Variants in CREBBP observed in about 807,000 individuals in gnomAD.
The protein encoded by CREBBP is CREB-binding protein.
In CREBBP, 19 loss-of-function variants were observed where a neutral mutation model predicts 265.0. The ratio of observed to expected loss-of-function variants is 0.07; its 90% CI spans 0.05 to 0.11. The LOEUF (loss-of-function observed/expected upper bound fraction) is 0.11. Ranked by LOEUF, CREBBP falls within the 10% of genes least tolerant of loss-of-function variation. The probability of loss-of-function intolerance (pLI) is 1.00; values close to 1 mark genes in which losing one functional copy is unlikely to be tolerated. For missense variants in CREBBP, 2,525 were observed against 3,219.0 expected (o/e 0.78, Z 5.22); for synonymous variants, 1,457 against 1,223.7 (o/e 1.19, Z -3.98).
At chr16:3,813,258 T>A (rs972339048) in intron 2 of CREBBP, among the ~76,000 whole-genome samples, 2 of 152,218 alleles carry the variant, frequency 1.3e-5, no homozygotes, top group Non-Finnish European at 2.9e-5. Flanking sequence ...GCAATCACAT[T>A]CTTGTCACCA....
At chr16:3,812,686 C>A (rs1226095896) in intron 2 of CREBBP, among the ~76,000 whole-genome samples, 4 of 152,078 alleles carry the variant, frequency 2.6e-5, no homozygotes, top group African/African-American at 9.7e-5. Flanking sequence ...TCAGGAATTG[C>A]CATGGCAATA....
rs780492308 is a variant in CREBBP, at chr16:3,872,260, AC to A, written c.85+7571del. 3.5e-3 allele frequency among the ~76,000 whole-genome samples: 540 copies of A among 152,266 alleles called. 12 individuals are homozygous for A. The highest frequency in any genetic ancestry group is 1.2e-3 in the Non-Finnish European group (83 of 68,022). On this transcript the variant is annotated intron_variant, in intron 1 of 30. Coordinates refer to ENST00000262367, the MANE Select transcript of CREBBP (RefSeq NM_004380.3). ...AAAAAACTTTAAAAAGAGAGGGGCC[AC>A]TTTTGTTTACTTCCATGCCTTTCAC... is the stretch of plus-strand genomic sequence containing the variant.
chr16:3,830,961 G>C (rs955181838), intron 2 of CREBBP, among the ~76,000 whole-genome samples: 1 of 152,026 alleles, frequency 6.6e-6, no homozygotes, highest in Non-Finnish European at 1.5e-5. Context: ...AATTTTTTTT[G>C]TACCTTTAGT....
chr16:3,765,748 G>C (rs905492504), intron 16 of CREBBP, among the ~76,000 whole-genome samples: 1 of 152,114 alleles, frequency 6.6e-6, no homozygotes, highest in African/African-American at 2.4e-5. Context: ...CCCAGGCTCA[G>C]GTGATTCTCC....
At chr16:3,837,597 C>T (rs1324094899) in intron 2 of CREBBP, among the ~76,000 whole-genome samples, 1 of 150,986 alleles carries the variant, frequency 6.6e-6, no homozygotes, top group Non-Finnish European at 1.5e-5. Flanking sequence ...GCCTGGGATA[C>T]ACAGCAAGAC....
chr16:3,737,892 A>G (rs1345358488), intron 26 of CREBBP, among the ~76,000 whole-genome samples: 1 of 151,644 alleles, frequency 6.6e-6, no homozygotes, highest in South Asian at 2.1e-4. Context: ...GATTCAAGGA[A>G]TTCTCCTGCC....
chr16:3,836,348 C>G (rs1005151184), intron 2 of CREBBP, among the ~76,000 whole-genome samples: 7 of 150,248 alleles, frequency 4.7e-5, no homozygotes, highest in African/African-American at 1.7e-4. Flanking sequence ...GTAGGAGAAT[C>G]GCTTGAACCC....
chr16:3,729,001 T>A lies in CREBBP; in HGVS notation c.6046A>T (p.Met2016Leu), dbSNP rs1189648750. The change falls in exon 31 of 31, where the codon ATG becomes TTG. Residue 2016 changes from methionine (M) to leucine (L), a missense_variant. Physicochemically the swap from Met to Leu is conservative, Grantham distance 15. Around this residue, in one of 19 missense-constraint regions of CREBBP, gnomAD observed 275 missense variants for 276.5 expected, o/e 0.99. Coordinates refer to ENST00000262367, the MANE Select transcript of CREBBP (RefSeq NM_004380.3). ...NQVSGPVMPS[M>L]PPGQWQQAPL... ...GCCTGCTGCCACTGCCCGGGAGGCA[T>A]GCTGGGCATGACGGGCCCGCTCACC... is the stretch of plus-strand genomic sequence containing the variant. The A allele has an allele frequency of 6.3e-7, 1 of 1,594,706 alleles. No individual in the cohort carries two copies. Among genetic ancestry groups the A allele is most frequent in the Admixed American group, 1.7e-5 (1 of 58,628 alleles).
At chr16:3,839,867 AAG>A (rs1281917432) in intron 2 of CREBBP, among the ~76,000 whole-genome samples, 1 of 152,002 alleles carries the variant, frequency 6.6e-6, no homozygotes, top group Non-Finnish European at 1.5e-5. Flanking sequence ...GAGAGAAAGA[AAG>A]AGAAAAGAAA....
In CREBBP at chr16:3,781,017, T is replaced by G. The variant is rs1043003088; in HGVS notation, c.1677-139A>C. The G allele has an allele frequency of 2.6e-6, 3 of 1,149,184 alleles. No individual in the cohort carries two copies. The African/African-American group carries it at 4.6e-5, about 18-fold the overall frequency. The allele number at this position is 1,149,184 out of a possible 1,614,324, so 71.2% of individuals were successfully genotyped here. A position where few individuals can be genotyped will look rare whatever the true frequency, so the allele number is the denominator to read the frequency against. On this transcript the variant is annotated intron_variant, in intron 7 of 30. Transcript: ENST00000262367. ...CCAAGTGATGTAAATAAATAAAACT[T>G]AAACTATGTTTTAATCTATTATCTG...
chr16:3,807,297 A>G (rs367844339), intron 3 of CREBBP, among the ~76,000 whole-genome samples: 1 of 152,200 alleles, frequency 6.6e-6, no homozygotes, highest in Non-Finnish European at 1.5e-5. Context: ...CACTCCAGGA[A>G]AGAGCTGCAG....
intron 16 of CREBBP, chr16:3,767,403 A>C: frequency 2.3e-6 from 1 of 436,636 alleles, no homozygotes; most frequent in Non-Finnish European, 4.1e-6. Flanking sequence ...GAGTAAAGCC[A>C]AGCTCCTTAA....
intron 1 of CREBBP, among the ~76,000 whole-genome samples, chr16:3,868,542 CTAAAAAAAAATA>C (rs1441591361): frequency 6.6e-5 from 10 of 152,026 alleles, no homozygotes; most frequent in Non-Finnish European, 1.5e-4. Flanking sequence ...TTTATAAGCC[CTAAAAAAAAATA>C]ATAACCTGGA....
Position 3,728,972 on chromosome 16 carries a change from G to A in CREBBP, c.6075C>T (p.Pro2025=), listed in dbSNP as rs756535075. ...CTGGCATGGGCTGCTGCTGGGGAAG[G>A]GGCGCCTGCTGCCACTGCCCGGGAG... ...SMPPGQWQQA[P]LPQQQPMPGL... The change falls in exon 31 of 31, where the codon CCC becomes CCT. Residue 2025 remains proline, a synonymous_variant. Coordinates refer to ENST00000262367, the MANE Select transcript of CREBBP (RefSeq NM_004380.3). The surrounding 1 kb of genome is among the most constrained non-coding windows in gnomAD (Gnocchi z 8.7). The A allele has an allele frequency of 1.9e-6, 3 of 1,596,482 alleles. No homozygotes were observed. The highest frequency in any genetic ancestry group is 1.7e-5 in the Admixed American group (1 of 58,828).
chr16:3,825,910 T>G (rs1212869270), intron 2 of CREBBP, among the ~76,000 whole-genome samples: 2 of 152,208 alleles, frequency 1.3e-5, no homozygotes, highest in East Asian at 3.8e-4. Context: ...ATGTATGAAT[T>G]TTAATACTGT....
chr16:3,738,176 G>C (rs2052116338), intron 26 of CREBBP, among the ~76,000 whole-genome samples: 1 of 152,088 alleles, frequency 6.6e-6, no homozygotes, highest in Non-Finnish European at 1.5e-5. Context: ...CGCAGCAGGA[G>C]GGATCTTATA....
At position 3,757,958 on chromosome 16, in the gene CREBBP, C is replaced by T. The variant is rs2151383554; in HGVS notation, c.3460G>A (p.Val1154Met). The T allele has an allele frequency of 1.2e-6, 2 of 1,613,852 alleles. No homozygotes were observed. Among genetic ancestry groups the T allele is most frequent in the Non-Finnish European group, 1.7e-6 (2 of 1,180,004 alleles). The change falls in exon 18 of 31, where the codon GTG becomes ATG. Residue 1154 changes from valine to methionine, a missense_variant. By Grantham distance (21) the Val-to-Met change is conservative. Coordinates refer to ENST00000262367, the MANE Select transcript of CREBBP (RefSeq NM_004380.3). ...TTGAACATGAGCCAGACGTCGTCCACGTACTGCCAGGGCTCTTGGTATTGC... is the reference window on the plus strand; with the variant it reads ...TTGAACATGAGCCAGACGTCGTCCATGTACTGCCAGGGCTCTTGGTATTGC... ...TGQYQEPWQYVDDVWLMFNNA... is the reference protein window; with the variant it reads ...TGQYQEPWQYMDDVWLMFNNA...
At chr16:3,875,492 A>G (rs1274270492) in intron 1 of CREBBP, among the ~76,000 whole-genome samples, 4 of 152,140 alleles carry the variant, frequency 2.6e-5, no homozygotes, top group African/African-American at 7.2e-5. Flanking sequence ...AACCAGAGGG[A>G]AAAGGGGGAC....
chr16:3,805,483 A>G (rs2053810651), intron 3 of CREBBP, among the ~76,000 whole-genome samples: 1 of 152,216 alleles, frequency 6.6e-6, no homozygotes, highest in African/African-American at 2.4e-5. Context: ...GCTTGTGTAT[A>G]ATGTTAGGGA....
Sources: allele counts gnomAD v4.1 joint callset (sites outside exome capture counted in the v4.1 genomes callset), GRCh38; gene constraint gnomAD v4.1.1; regional missense constraint gnomAD v4.1.1; non-coding constraint Gnocchi (gnomAD v3.1); transcripts MANE v1.5; gene names NCBI Gene and HGNC (gene_info 2026-07-23, HGNC 2026-07-21).